The following ADCY1 variants were observed in gnomAD, a reference collection of about 807,000 sequenced individuals.
ADCY1 encodes the protein adenylate cyclase 1.
In ADCY1, 28 loss-of-function variants were observed where a neutral mutation model predicts 105.4. The observed-to-expected ratio is 0.27, with a 90% CI of 0.20 to 0.36. ADCY1 has a LOEUF of 0.36. Among genes scored for constraint, ADCY1 ranks in the 10% least tolerant of loss-of-function variants. The pLI is 1.00. For missense variants in ADCY1, 977 were observed against 1,434.2 expected, an observed-to-expected ratio of 0.68 and a Z score of 5.15; for synonymous variants, 655 against 623.8, an observed-to-expected ratio of 1.05 and a Z score of -0.75.
Position 45,620,228 on chromosome 7 carries a change from A to G in ADCY1, c.909-2404A>G, listed in dbSNP as rs115460833. ...AGAATTAAAGAGTGTCATTGTGGTT[A>G]TAGGGTCTTGGGGGAGGAAGAAATG... On this transcript the variant is annotated intron_variant, in intron 3 of 19. Transcript: ENST00000297323. Among the ~76,000 whole-genome samples, 679 of 152,288 alleles carry G rather than the reference A, an allele frequency of 4.5e-3. 4 individuals are homozygous for G. Among genetic ancestry groups the G allele is most frequent in the African/African-American group, 0.015 (636 of 41,562 alleles).
intron 3 of ADCY1, among the ~76,000 whole-genome samples, chr7:45,619,934 A>G (rs920737662): frequency 3.9e-5 from 6 of 152,236 alleles, no homozygotes; most frequent in Non-Finnish European, 8.8e-5. Context: ...CAACCTATGT[A>G]GGTTTATCAA....
chr7:45,711,620 TATATATATATATATATATATATATAC>T (rs1785232614), intron 19 of ADCY1, among the ~76,000 whole-genome samples: 1 of 37,624 alleles, frequency 2.7e-5, no homozygotes, highest in South Asian at 1.0e-3. Flanking sequence ...TATATATATA[TATATATATATATATATATATATATAC>T]ACACACACAC....
intron 5 of ADCY1, among the ~76,000 whole-genome samples, chr7:45,652,944 A>C (rs1438702836): frequency 6.6e-6 from 1 of 152,228 alleles, no homozygotes; most frequent in Admixed American, 6.5e-5. Flanking sequence ...GGCCCTGGGC[A>C]GTCTGACCCT....
At chr7:45,712,205 ATATAT>A (rs913045786) in intron 19 of ADCY1, among the ~76,000 whole-genome samples, 24 of 143,736 alleles carry the variant, frequency 1.7e-4, no homozygotes, top group Non-Finnish European at 3.0e-4. Flanking sequence ...TAAATGTTAA[ATATAT>A]TAAATTAATA....
intron 3 of ADCY1, among the ~76,000 whole-genome samples, chr7:45,618,828 G>C (rs1003437380): frequency 6.6e-6 from 1 of 152,174 alleles, no homozygotes; most frequent in African/African-American, 2.4e-5. Flanking sequence ...GCTAAAAATA[G>C]AACTATCATA....
intron 4 of ADCY1, among the ~76,000 whole-genome samples, chr7:45,629,912 C>T (rs187573184): frequency 4.4e-4 from 67 of 152,338 alleles, no homozygotes; most frequent in Non-Finnish European, 6.6e-4. Context: ...CCAGTTGCTC[C>T]GCATCCTCAT....
At chr7:45,679,886 G>GTGA in intron 11 of ADCY1, 93 bp downstream of exon 11, 1 of 1,459,520 alleles carries the variant, frequency 6.9e-7, no homozygotes, top group Non-Finnish European at 9.6e-7. Flanking sequence ...CCTGGTCCAG[G>GTGA]TATGAGGGTG....
chr7:45,703,335 G>A lies in ADCY1; in HGVS notation c.2455-41G>A. On this transcript the variant is annotated intron_variant, in intron 14 of 19. Coordinates refer to ENST00000297323, the MANE Select transcript of ADCY1 (RefSeq NM_021116.4). This position sits in a 1 kb window ranked among gnomAD's most constrained non-coding sequence, Gnocchi z 5.9. ...TGTGCGGTGGGAACAAGTGAAGGCA[G>A]CGTGAGTGGATGGGACTAATGGAGG... 1 of 1,585,472 alleles carries A rather than the reference G, an allele frequency of 6.3e-7. No individual in the cohort carries two copies. The highest frequency in any genetic ancestry group is 8.7e-7 in the Non-Finnish European group (1 of 1,154,608).
At chr7:45,639,882 G>C (rs906524689) in intron 4 of ADCY1, among the ~76,000 whole-genome samples, 1 of 152,138 alleles carries the variant, frequency 6.6e-6, no homozygotes, top group African/African-American at 2.4e-5. Context: ...GGGATATGCT[G>C]AGCCAACTGA....
intron 8 of ADCY1, among the ~76,000 whole-genome samples, chr7:45,667,180 GT>G (rs1189284219): frequency 1.3e-5 from 2 of 152,140 alleles, no homozygotes; most frequent in Non-Finnish European, 1.5e-5. Context: ...TGCTTTTGGT[GT>G]TTTAGACATG....
chr7:45,689,748 C>T (rs1340994207), intron 14 of ADCY1, among the ~76,000 whole-genome samples: 1 of 152,212 alleles, frequency 6.6e-6, no homozygotes, highest in Non-Finnish European at 1.5e-5. Context: ...AGTGAGTCCT[C>T]ACGCCAGAAG....
chr7:45,658,663 G>A (rs1245637323), intron 6 of ADCY1, among the ~76,000 whole-genome samples: 4 of 152,220 alleles, frequency 2.6e-5, no homozygotes, highest in Non-Finnish European at 4.4e-5. Context: ...CTATGCAGCC[G>A]CTGTCTTCAT....
At chr7:45,590,277 A>G (rs549241492) in intron 1 of ADCY1, among the ~76,000 whole-genome samples, 1 of 152,250 alleles carries the variant, frequency 6.6e-6, no homozygotes, top group East Asian at 1.9e-4. Flanking sequence ...TTCCAGGAGG[A>G]AACCAGGGGA....
At chr7:45,578,685 A>G (rs1273090445) in intron 1 of ADCY1, among the ~76,000 whole-genome samples, 1 of 152,210 alleles carries the variant, frequency 6.6e-6, no homozygotes, top group African/African-American at 2.4e-5. Context: ...GCAGGGCCCC[A>G]GTCCTTCCCA....
rs1263353539 is a variant in ADCY1 at position 45,703,357 on chromosome 7, G to A, written c.2455-19G>A. Reference sequence around the variant, plus strand: ...GCAGCGTGAGTGGATGGGACTAATGGAGGCTCATGATACCCCAGGCAGAGG... The same window carrying A: ...GCAGCGTGAGTGGATGGGACTAATGAAGGCTCATGATACCCCAGGCAGAGG... On this transcript the variant is annotated intron_variant, in intron 14 of 19. Transcript: ENST00000297323. This position sits in a 1 kb window ranked among gnomAD's most constrained non-coding sequence, Gnocchi z 5.9. The A allele has an allele frequency of 1.2e-6, 2 of 1,611,510 alleles. No homozygotes were observed. The highest frequency in any genetic ancestry group is 1.7e-6 in the Non-Finnish European group (2 of 1,177,858).
At chr7:45,652,322 A>G (rs1251586349) in intron 5 of ADCY1, among the ~76,000 whole-genome samples, 2 of 152,168 alleles carry the variant, frequency 1.3e-5, no homozygotes, top group Non-Finnish European at 2.9e-5. Flanking sequence ...AAGATTCTTG[A>G]AGCATCCCAT....
At chr7:45,639,704 T>C (rs1431239036) in intron 4 of ADCY1, among the ~76,000 whole-genome samples, 1 of 152,234 alleles carries the variant, frequency 6.6e-6, no homozygotes, top group Non-Finnish European at 1.5e-5. Context: ...AGTGACTGTT[T>C]CCTGGCGCAT....
intron 14 of ADCY1, among the ~76,000 whole-genome samples, chr7:45,689,259 G>A (rs1321472426): frequency 6.6e-6 from 1 of 152,058 alleles, no homozygotes; most frequent in Non-Finnish European, 1.5e-5. Flanking sequence ...GGGAGTGGGA[G>A]GGGACCCTGG....
intron 2 of ADCY1, among the ~76,000 whole-genome samples, chr7:45,596,118 C>T (rs1408918650): frequency 1.3e-5 from 2 of 152,286 alleles, no homozygotes; most frequent in African/African-American, 4.8e-5. Context: ...GTGGCCATGG[C>T]AGCCCTGCCC....
Sources: allele counts gnomAD v4.1 joint callset (sites outside exome capture counted in the v4.1 genomes callset), GRCh38; gene constraint gnomAD v4.1.1; non-coding constraint Gnocchi (gnomAD v3.1); transcripts MANE v1.5; gene names NCBI Gene and HGNC (gene_info 2026-07-23, HGNC 2026-07-21).